Variants in GOLPH3L observed in about 807,000 individuals in gnomAD.
GOLPH3L encodes golgi phosphoprotein 3 like, also known as Golgi phosphoprotein 3-like.
GOLPH3L carries 22 observed loss-of-function variants against 30.3 expected under a neutral mutation model. That is an observed-to-expected ratio of 0.73 (90% CI 0.52 to 1.04). The LOEUF is 1.04. GOLPH3L is among the 50% of genes least tolerant of loss of function. GOLPH3L has a pLI of 0.00. For missense variants in GOLPH3L, 303 were observed against 345.8 expected (o/e 0.88, Z 0.98); for synonymous variants, 120 against 128.2 (o/e 0.94, Z 0.43).
chr1:150,648,634 AGCAGGAAATTCTGCT>A lies in GOLPH3L; in HGVS notation c.530_544del (p.Lys177_Leu182delinsIle). On this transcript the variant is annotated inframe_deletion, in exon 5 of 5. Coordinates refer to ENST00000271732, the MANE Select transcript of GOLPH3L (RefSeq NM_018178.6). ...CACTGGATGAGTAGTCATGTCAAATAGCAGGAAATTCTGCTTCTCAGTGGTTAGAATACCTTTCTC... is the reference window on the plus strand; with the variant it reads ...CACTGGATGAGTAGTCATGTCAAATATCTCAGTGGTTAGAATACCTTTCTC... The A allele has an allele frequency of 6.2e-7, 1 of 1,613,828 alleles. No individual in the cohort carries two copies. Among genetic ancestry groups the A allele is most frequent in the African/African-American group, 1.3e-5 (1 of 75,028 alleles).
chr1:150,682,758 AAACT>A (rs966212662), intron 2 of GOLPH3L, among the ~76,000 whole-genome samples: 9 of 152,128 alleles, frequency 5.9e-5, no homozygotes, highest in South Asian at 2.1e-4. Flanking sequence ...CAAATTTTAA[AAACT>A]AACTAAAAAA....
chr1:150,649,407 C>G (rs1650054213), intron 4 of GOLPH3L, among the ~76,000 whole-genome samples: 1 of 152,114 alleles, frequency 6.6e-6, no homozygotes, highest in South Asian at 2.1e-4. Flanking sequence ...AGAGGACTGA[C>G]TTTATTTGGA....
At position 150,648,132 on chromosome 1, in the gene GOLPH3L, GAGAAA is replaced by G; in HGVS notation, c.*184_*188del. On this transcript the variant is annotated 3_prime_UTR_variant, in exon 5 of 5. Transcript: ENST00000271732. Reference sequence around the variant, plus strand: ...TTTACCTATGGAGTGGAAGTGTAGGGAGAAATAAGGTCTGCTTATAATGGTCAAGG... The same window carrying G: ...TTTACCTATGGAGTGGAAGTGTAGGGTAAGGTCTGCTTATAATGGTCAAGG... The G allele has an allele frequency of 2.0e-6, 1 of 511,364 alleles. No homozygotes were observed. The highest frequency in any genetic ancestry group is 3.4e-6 in the Non-Finnish European group (1 of 290,360). 31.7% of individuals were successfully genotyped at this position (511,364 alleles called of 1,614,324 possible). A position where few individuals can be genotyped will look rare whatever the true frequency, so the allele number is the denominator to read the frequency against.
chr1:150,663,159 C>T (rs974140973), intron 3 of GOLPH3L, among the ~76,000 whole-genome samples: 2 of 151,760 alleles, frequency 1.3e-5, no homozygotes, highest in Admixed American at 6.6e-5. Context: ...TTCAGCCTCC[C>T]GAGTAGCTGT....
chr1:150,656,059 T>C (rs1459045676), intron 4 of GOLPH3L, among the ~76,000 whole-genome samples: 1 of 152,258 alleles, frequency 6.6e-6, no homozygotes, highest in Non-Finnish European at 1.5e-5. Flanking sequence ...GCCAGACTTA[T>C]GTAGGGCAAA....
intron 4 of GOLPH3L, among the ~76,000 whole-genome samples, chr1:150,650,855 T>C (rs587735618): frequency 3.0e-4 from 45 of 152,254 alleles, no homozygotes; most frequent in African/African-American, 1.0e-3. Flanking sequence ...TTGTGACCCA[T>C]TGACCCATTC....
intron 2 of GOLPH3L, among the ~76,000 whole-genome samples, chr1:150,680,584 G>C (rs1650926983): frequency 6.6e-6 from 1 of 152,124 alleles, no homozygotes; most frequent in Non-Finnish European, 1.5e-5. Context: ...GCCATTGGTT[G>C]CTCAGTTTGT....
intron 2 of GOLPH3L, 74 bp downstream of exon 2, chr1:150,694,582 C>G: frequency 1.1e-6 from 1 of 879,656 alleles, no homozygotes; most frequent in Non-Finnish European, 1.7e-6. Flanking sequence ...TAAATATATT[C>G]CATTAGGTTA....
intron 2 of GOLPH3L, among the ~76,000 whole-genome samples, chr1:150,664,540 G>A (rs1012563285): frequency 3.3e-5 from 5 of 151,796 alleles, no homozygotes; most frequent in Admixed American, 2.0e-4. Context: ...TGCAACCTCC[G>A]CCTCCCAGGT....
intron 4 of GOLPH3L, among the ~76,000 whole-genome samples, chr1:150,659,958 C>T (rs1051937139): frequency 5.3e-5 from 8 of 151,838 alleles, no homozygotes; most frequent in East Asian, 1.9e-4. Flanking sequence ...TCCTTGAGCC[C>T]GGGAGATAGA....
chr1:150,654,472 A>G (rs370105696), intron 4 of GOLPH3L, among the ~76,000 whole-genome samples: 12 of 151,950 alleles, frequency 7.9e-5, no homozygotes, highest in African/African-American at 2.7e-4. Flanking sequence ...GTGCCACTGC[A>G]CTCCAGCCTG....
Position 150,646,870 on chromosome 1 carries a change from C to G in GOLPH3L, c.*1451G>C, listed in dbSNP as rs1649987470. The G allele has an allele frequency of 6.6e-6, 1 of 152,178 alleles. No individual in the cohort carries two copies. Among genetic ancestry groups the G allele is most frequent in the Non-Finnish European group, 1.5e-5 (1 of 68,048 alleles). 9.4% of individuals were successfully genotyped at this position (152,178 alleles called of 1,614,324 possible). On this transcript the variant is annotated 3_prime_UTR_variant, in exon 5 of 5. Transcript: ENST00000271732. ...CCTCTTTATATCCTCAAATACTGGACTTTATATCAGCATGCTTTCAATACC... is the reference window on the plus strand; with the variant it reads ...CCTCTTTATATCCTCAAATACTGGAGTTTATATCAGCATGCTTTCAATACC...
intron 2 of GOLPH3L, among the ~76,000 whole-genome samples, chr1:150,669,832 C>T (rs992050493): frequency 2.6e-5 from 4 of 151,088 alleles, no homozygotes; most frequent in East Asian, 2.0e-4. Flanking sequence ...TGTGGTGGCA[C>T]GTGCCTGTAA....
At chr1:150,660,797 G>A (rs587720517) in intron 4 of GOLPH3L, among the ~76,000 whole-genome samples, 1 of 152,286 alleles carries the variant, frequency 6.6e-6, no homozygotes, top group African/African-American at 2.4e-5. Context: ...GAAAGAGGAA[G>A]TTATCATTTA....
At chr1:150,673,065 A>G (rs1283077778) in intron 2 of GOLPH3L, among the ~76,000 whole-genome samples, 1 of 152,176 alleles carries the variant, frequency 6.6e-6, no homozygotes, top group East Asian at 1.9e-4. Context: ...GTGAAAGGGA[A>G]ATGCAAAATA....
At chr1:150,673,617 T>C (rs1389455817) in intron 2 of GOLPH3L, among the ~76,000 whole-genome samples, 2 of 151,496 alleles carry the variant, frequency 1.3e-5, no homozygotes, top group African/African-American at 4.8e-5. Flanking sequence ...AAAGAGAAAG[T>C]TGAGAAGGGG....
chr1:150,676,014 C>G (rs587613863), intron 2 of GOLPH3L, among the ~76,000 whole-genome samples: 2 of 148,616 alleles, frequency 1.3e-5, no homozygotes, highest in African/African-American at 4.9e-5. Flanking sequence ...CTCAACCAGG[C>G]TGCAGTAGAG....
At position 150,693,819 on chromosome 1, in the gene GOLPH3L, G is replaced by GTGTA. The variant is rs1166804199; in HGVS notation, c.183+836_183+837insTACA. On this transcript the variant is annotated intron_variant, in intron 2 of 4. Transcript: ENST00000271732. ...TGTATGTGTGTGTGTGTGTGTGTGT[G>GTGTA]TATATATATATATATATATATATAT... Among the ~76,000 whole-genome samples, 264 of 86,836 alleles carry GTGTA rather than the reference G, an allele frequency of 3.0e-3. 1 individual carries two copies. Among genetic ancestry groups the GTGTA allele is most frequent in the South Asian group, 6.1e-3 (18 of 2,932 alleles). The allele number at this position is 86,836 out of a possible 152,430, so 57.0% of individuals were successfully genotyped here.
intron 2 of GOLPH3L, among the ~76,000 whole-genome samples, chr1:150,679,877 G>A (rs1050227280): frequency 1.3e-5 from 2 of 152,056 alleles, no homozygotes; most frequent in African/African-American, 2.4e-5. Flanking sequence ...GACTGAAGCA[G>A]GCAGATCACT....
Sources: allele counts gnomAD v4.1 joint callset (sites outside exome capture counted in the v4.1 genomes callset), GRCh38; gene constraint gnomAD v4.1.1; transcripts MANE v1.5; gene names NCBI Gene and HGNC (gene_info 2026-07-23, HGNC 2026-07-21).